Variants in PPP6R3 observed in about 807,000 individuals in gnomAD.
The protein encoded by PPP6R3 is protein phosphatase 6 regulatory subunit 3, also known as serine/threonine-protein phosphatase 6 regulatory subunit 3.
Under a neutral mutation model 110.7 loss-of-function variants are expected in PPP6R3, and 38 were observed. The observed-to-expected ratio is 0.34, with a 90% confidence interval of 0.26 to 0.45. The LOEUF (loss-of-function observed/expected upper bound fraction) is 0.45. Among genes scored for constraint, PPP6R3 ranks in the 20% least tolerant of loss-of-function variants. The pLI is 1.00. For synonymous variants in PPP6R3, 369 were observed against 373.5 expected (o/e 0.99, Z 0.14); for missense variants, 870 against 1,062.4 (o/e 0.82, Z 2.52).
At chr11:68,609,403 T>C (rs1942153133) in intron 22 of PPP6R3, 2 of 710,662 alleles carry the variant, frequency 2.8e-6, no homozygotes, top group East Asian at 2.7e-5. Flanking sequence ...GGGGTCTGTC[T>C]TGCTGCTTTA....
At chr11:68,560,812 T>A (rs547412646) in intron 8 of PPP6R3, among the ~76,000 whole-genome samples, 77 of 152,148 alleles carry the variant, frequency 5.1e-4, no homozygotes, top group African/African-American at 1.8e-3. Flanking sequence ...GTTGCTCAAG[T>A]CTCGTATAAA....
At chr11:68,468,137 C>T (rs1165437065) in intron 1 of PPP6R3, among the ~76,000 whole-genome samples, 1 of 152,198 alleles carries the variant, frequency 6.6e-6, no homozygotes, top group Non-Finnish European at 1.5e-5. Flanking sequence ...GCAGAGAAAT[C>T]TCAGCCCCGG....
chr11:68,580,811 A>G (rs1279078972), intron 14 of PPP6R3, among the ~76,000 whole-genome samples: 6 of 96,456 alleles, frequency 6.2e-5, no homozygotes, highest in African/African-American at 2.0e-4. Flanking sequence ...TTGCTCTGTC[A>G]CCCAGGCTGG....
intron 12 of PPP6R3, among the ~76,000 whole-genome samples, 155 bp from the exon 13 acceptor site, chr11:68,573,954 C>T (rs932530937): frequency 6.6e-6 from 1 of 152,176 alleles, no homozygotes; most frequent in African/African-American, 2.4e-5. Context: ...TGGCACCTTC[C>T]ATTCCTTTGT....
chr11:68,523,338 T>C (rs1270658375), intron 2 of PPP6R3, among the ~76,000 whole-genome samples: 1 of 151,976 alleles, frequency 6.6e-6, no homozygotes, highest in Non-Finnish European at 1.5e-5. Flanking sequence ...CTTCTGGGAG[T>C]CGTCTATCTC....
At chr11:68,583,892 C>A (rs1007302651) in intron 15 of PPP6R3, among the ~76,000 whole-genome samples, 3 of 152,158 alleles carry the variant, frequency 2.0e-5, no homozygotes, top group African/African-American at 7.2e-5. Flanking sequence ...GACACCTTCC[C>A]ACCCAGCACA....
chr11:68,518,939 C>A (rs1175640188), intron 1 of PPP6R3, among the ~76,000 whole-genome samples: 2 of 152,124 alleles, frequency 1.3e-5, no homozygotes, highest in African/African-American at 4.8e-5. Context: ...CAGTATTAAG[C>A]TATATATGAA....
chr11:68,482,212 C>T (rs1252547531), intron 1 of PPP6R3, among the ~76,000 whole-genome samples: 1 of 143,734 alleles, frequency 7.0e-6, no homozygotes, highest in African/African-American at 2.6e-5. Flanking sequence ...ATGGTGAAAC[C>T]CCATCTCTCC....
chr11:68,576,118 A>G, intron 14 of PPP6R3, 75 bp downstream of exon 14: 1 of 1,145,028 alleles, frequency 8.7e-7, no homozygotes, highest in South Asian at 1.4e-5. Flanking sequence ...AAGATGTAAA[A>G]GATCTTCCAT....
chr11:68,503,232 G>A (rs1212949894), intron 1 of PPP6R3, among the ~76,000 whole-genome samples: 1 of 152,220 alleles, frequency 6.6e-6, no homozygotes, highest in South Asian at 2.1e-4. Flanking sequence ...GTGAGCCACC[G>A]TGCCCGGCCT....
At position 68,568,580 on chromosome 11, in the gene PPP6R3, C is replaced by T. The variant is rs557611269; in HGVS notation, c.1129-1168C>T. On this transcript the variant is annotated intron_variant, in intron 10 of 23. Transcript: ENST00000393800. ...AACCCTTGTACTTCCAGGAGATTCA[C>T]GTTACTGCCTCTCGTATCCTCATTT... Among the ~76,000 whole-genome samples, 3 of 152,254 alleles carry T rather than the reference C, an allele frequency of 2.0e-5. No individual in the cohort carries two copies. The South Asian group carries it at 6.2e-4, about 32-fold the overall frequency.
chr11:68,557,839 A>G (rs903093950), intron 7 of PPP6R3, among the ~76,000 whole-genome samples: 5 of 152,150 alleles, frequency 3.3e-5, no homozygotes, highest in African/African-American at 1.2e-4. Flanking sequence ...ATTCACATGG[A>G]TTTCGAAAAT....
chr11:68,590,950 G>T (rs916940812), intron 17 of PPP6R3, among the ~76,000 whole-genome samples: 1 of 152,120 alleles, frequency 6.6e-6, no homozygotes, highest in Non-Finnish European at 1.5e-5. Flanking sequence ...TGATTGCAGC[G>T]TAGACACTTG....
chr11:68,542,776 GTA>G (rs373059001), intron 3 of PPP6R3, among the ~76,000 whole-genome samples: 429 of 152,270 alleles, frequency 2.8e-3, no homozygotes, highest in Non-Finnish European at 4.4e-3. Flanking sequence ...AGCTTTTTGT[GTA>G]ATGGCTAACA....
chr11:68,495,799 G>A (rs959662654), intron 1 of PPP6R3, among the ~76,000 whole-genome samples: 1 of 152,186 alleles, frequency 6.6e-6, no homozygotes, highest in Non-Finnish European at 1.5e-5. Context: ...AGACATTTAT[G>A]TACAAATTAT....
intron 1 of PPP6R3, among the ~76,000 whole-genome samples, chr11:68,475,239 C>T (rs1053248987): frequency 2.6e-5 from 4 of 152,154 alleles, no homozygotes; most frequent in African/African-American, 9.7e-5. Context: ...GGGGTAAGGT[C>T]ATAGATCAAC....
At chr11:68,559,892 G>A (rs1428750753) in intron 8 of PPP6R3, among the ~76,000 whole-genome samples, 2 of 105,686 alleles carry the variant, frequency 1.9e-5, no homozygotes, top group African/African-American at 7.5e-5. Context: ...CCAGCGGTAC[G>A]GTGCCCTCTT....
At chr11:68,578,685 T>C (rs934549551) in intron 14 of PPP6R3, among the ~76,000 whole-genome samples, 2 of 152,372 alleles carry the variant, frequency 1.3e-5, no homozygotes, top group Admixed American at 1.3e-4. Context: ...CTCACTTCTT[T>C]TGGATAAGCT....
Position 68,497,527 on chromosome 11 carries a change from G to A in PPP6R3, c.-157-21974G>A, listed in dbSNP as rs367911413. Among the ~76,000 whole-genome samples the A allele has an allele frequency of 4.0e-5, 6 of 151,852 alleles. No homozygotes were observed. The East Asian group carries it at 1.2e-3, about 30-fold the overall frequency. On this transcript the variant is annotated intron_variant, in intron 1 of 23. Coordinates refer to ENST00000393800, the MANE Select transcript of PPP6R3 (RefSeq NM_001164161.2). ...GCTACCACGCCTGACTGATTTTTTTGTATTTTTTGTAGAAACGGGGATTTA... is the reference window on the plus strand; with the variant it reads ...GCTACCACGCCTGACTGATTTTTTTATATTTTTTGTAGAAACGGGGATTTA...
Sources: gnomAD v4.1 joint callset for allele counts (sites outside exome capture counted in the v4.1 genomes callset) on GRCh38, gnomAD v4.1.1 for gene constraint, MANE v1.5 for transcripts, NCBI Gene and HGNC (gene_info 2026-07-23, HGNC 2026-07-21) for gene names.